The following ATP2C2 variants were observed in gnomAD, a reference collection of about 807,000 sequenced individuals.
ATP2C2 encodes the protein ATPase secretory pathway Ca2+ transporting 2, also known as calcium-transporting ATPase type 2C member 2.
In ATP2C2, 171 loss-of-function variants were observed where a neutral mutation model predicts 110.8. The ratio of observed to expected loss-of-function variants is 1.54; its 90% CI spans 1.36 to 1.75. The LOEUF (loss-of-function observed/expected upper bound fraction) is 1.75, where lower values mean the gene tolerates loss of function less well. Ranked by LOEUF, ATP2C2 falls within the 40% of genes most tolerant of loss-of-function variation. The pLI is 0.00. For missense variants in ATP2C2, 1,963 were observed against 1,235.0 expected (o/e 1.59, Z -8.84); for synonymous variants, 804 against 508.4 (o/e 1.58, Z -7.82).
chr16:84,410,828 G>A (rs1309290878), intron 6 of ATP2C2, 63 bp downstream of exon 6: 25 of 1,515,570 alleles, frequency 1.6e-5, no homozygotes, highest in Non-Finnish European at 2.2e-5. Context: ...TGGAGAGTTT[G>A]GCAAATGTTT....
At chr16:84,417,847 G>A (rs1597798932) in intron 7 of ATP2C2, among the ~76,000 whole-genome samples, 2 of 152,192 alleles carry the variant, frequency 1.3e-5, no homozygotes, top group African/African-American at 2.4e-5. Flanking sequence ...CAATAGCTTT[G>A]CCTATTCAGT....
chr16:84,388,215 C>T (rs7205165), intron 1 of ATP2C2, among the ~76,000 whole-genome samples: 52,923 of 151,884 alleles, frequency 0.35, 9,437 homozygotes, highest in East Asian at 0.5. Flanking sequence ...ACTCTAGCTA[C>T]TCGGGAGACT....
chr16:84,397,809 G>A (rs1905087230), intron 1 of ATP2C2, among the ~76,000 whole-genome samples: 1 of 151,928 alleles, frequency 6.6e-6, no homozygotes, highest in Middle Eastern at 3.4e-3. Flanking sequence ...TTAGCGTACT[G>A]TTGCTACATG....
In ATP2C2 at chr16:84,454,944, G is replaced by T. The variant is rs201597906; in HGVS notation, c.2107G>T (p.Ala703Ser). 6.2e-6 allele frequency: 10 copies of T among 1,613,546 alleles called. No individual in the cohort carries two copies. In the Admixed American group the frequency reaches 1.7e-4, roughly 27 times the overall value. Residue 703 changes from alanine (A) to serine (S), a missense_variant, in exon 21 of 27, where the codon GCC (alanine) becomes TCC (serine). By Grantham distance (99) the Ala-to-Ser change is moderately conservative. Coordinates refer to ENST00000262429, the MANE Select transcript of ATP2C2 (RefSeq NM_014861.4). ...QTGTDVSKEA[A>S]NMILVDDDFS... is the part of the protein sequence containing the mutation. ...AGGGACGGACGTCAGCAAAGAGGCC[G>T]CCAACATGATCCTGGTGGATGATGA...
At chr16:84,402,614 A>G (rs1905405395) in intron 2 of ATP2C2, among the ~76,000 whole-genome samples, 1 of 152,154 alleles carries the variant, frequency 6.6e-6, no homozygotes, top group African/African-American at 2.4e-5. Flanking sequence ...GTGTATGGTG[A>G]ACCATCCTTG....
intron 7 of ATP2C2, among the ~76,000 whole-genome samples, chr16:84,419,255 G>C (rs1256586456): frequency 1.4e-5 from 2 of 140,296 alleles, no homozygotes; most frequent in Non-Finnish European, 3.0e-5. Flanking sequence ...CTGGGGCCAT[G>C]CTCCTGCAGA....
chr16:84,427,595 A>T (rs2326271), intron 11 of ATP2C2, among the ~76,000 whole-genome samples: 55,399 of 151,824 alleles, frequency 0.36, 10,250 homozygotes, highest in South Asian at 0.4. Flanking sequence ...CAGGCACCTA[A>T]AATCCCAGCT....
intron 11 of ATP2C2, among the ~76,000 whole-genome samples, chr16:84,432,287 C>A (rs1908348074): frequency 6.6e-6 from 1 of 152,050 alleles, no homozygotes; most frequent in South Asian, 2.1e-4. Flanking sequence ...TTAAATTTTT[C>A]TTTAAGTTCT....
chr16:84,443,938 G>A (rs908531800), intron 15 of ATP2C2, among the ~76,000 whole-genome samples: 15 of 152,270 alleles, frequency 9.9e-5, no homozygotes, highest in African/African-American at 3.4e-4. Flanking sequence ...AGGCTAAGGC[G>A]GGAGGATCAT....
At chr16:84,370,517 T>TGGCTGGGC (rs1383426126) in intron 1 of ATP2C2, among the ~76,000 whole-genome samples, 1 of 151,926 alleles carries the variant, frequency 6.6e-6, no homozygotes, top group African/African-American at 2.4e-5. Flanking sequence ...GGAGGCCGGG[T>TGGCTGGGC]GGCTGGGCGA....
At chr16:84,439,090 A>T (rs1447066032) in intron 11 of ATP2C2, 76 bp from the exon 12 acceptor site, 24 of 1,581,968 alleles carry the variant, frequency 1.5e-5, no homozygotes, top group Non-Finnish European at 1.9e-5. Flanking sequence ...ACCAGCCAAA[A>T]GCATTGCCAG....
At chr16:84,402,200 A>G (rs1597769180) in intron 2 of ATP2C2, among the ~76,000 whole-genome samples, 1 of 151,478 alleles carries the variant, frequency 6.6e-6, no homozygotes, top group Non-Finnish European at 1.5e-5. Context: ...GATTTTGTTT[A>G]TGAGTTCTAA....
intron 3 of ATP2C2, among the ~76,000 whole-genome samples, chr16:84,406,138 C>G (rs1291370577): frequency 2.0e-5 from 3 of 152,222 alleles, no homozygotes; most frequent in South Asian, 2.1e-4. Flanking sequence ...GAGCTGCACC[C>G]AGAGCCCCTT....
At chr16:84,448,490 G>C (rs1204362543) in intron 16 of ATP2C2, 43 bp from the exon 17 acceptor site, 1 of 1,578,652 alleles carries the variant, frequency 6.3e-7, no homozygotes, top group African/African-American at 1.3e-5. Flanking sequence ...TATGAACCAA[G>C]GCTTCCAGTG....
intron 7 of ATP2C2, among the ~76,000 whole-genome samples, chr16:84,418,310 C>T (rs1486750516): frequency 2.0e-5 from 3 of 152,062 alleles, no homozygotes; most frequent in African/African-American, 4.8e-5. Context: ...ACTCTATTTT[C>T]GCCCCTCACC....
chr16:84,385,045 T>C (rs1202764038), intron 1 of ATP2C2, among the ~76,000 whole-genome samples: 2 of 152,138 alleles, frequency 1.3e-5, no homozygotes, highest in African/African-American at 2.4e-5. Flanking sequence ...TGAGACTCTG[T>C]CTCAAAAAAC....
At chr16:84,404,941 G>C in intron 2 of ATP2C2, 187 bp from the exon 3 acceptor site, 1 of 677,722 alleles carries the variant, frequency 1.5e-6, no homozygotes, top group Non-Finnish European at 2.7e-6. Context: ...TCACTGGCTT[G>C]TGCCTTTTCC....
intron 1 of ATP2C2, among the ~76,000 whole-genome samples, chr16:84,375,893 A>G (rs1910222090): frequency 6.6e-6 from 1 of 152,120 alleles, no homozygotes; most frequent in Non-Finnish European, 1.5e-5. Flanking sequence ...GGAAGTCTGA[A>G]CAAAAGAAGG....
intron 1 of ATP2C2, among the ~76,000 whole-genome samples, chr16:84,384,409 C>G (rs12920184): frequency 1.3e-5 from 2 of 152,106 alleles, no homozygotes; most frequent in African/African-American, 2.4e-5. Context: ...TTACGCGCTT[C>G]TGGAGAAAGC....
Sources: gnomAD v4.1 joint callset for allele counts (sites outside exome capture counted in the v4.1 genomes callset) on GRCh38, gnomAD v4.1.1 for gene constraint, MANE v1.5 for transcripts, NCBI Gene and HGNC (gene_info 2026-07-23, HGNC 2026-07-21) for gene names.